Variants in AQP7 observed in about 807,000 individuals in gnomAD.
The protein encoded by AQP7 is aquaporin 7.
AQP7 carries 22 observed loss-of-function variants against 26.1 expected under a neutral mutation model. The observed-to-expected ratio is 0.84, with a 90% confidence interval of 0.60 to 1.20. The LOEUF (loss-of-function observed/expected upper bound fraction) is 1.20. AQP7 is among the 50% of genes most tolerant of loss of function. The pLI is 0.00. For missense variants in AQP7, 412 were observed against 457.5 expected (o/e 0.90, Z 0.91); for synonymous variants, 167 against 181.7 (o/e 0.92, Z 0.65).
Position 33,387,243 on chromosome 9 carries a change from C to G in AQP7, c.145-151G>C, listed in dbSNP as rs1587097274. 7 of 874,398 alleles carry G rather than the reference C, an allele frequency of 8.0e-6. No individual in the cohort carries two copies. In the Middle Eastern group the frequency reaches 1.8e-3, roughly 226 times the overall value. The allele number at this position is 874,398 out of a possible 1,614,324, so 54.2% of individuals were successfully genotyped here. On this transcript the variant is annotated intron_variant, in intron 3 of 7. Transcript: ENST00000297988. Reference sequence around the variant, plus strand: ...GCTGCCACGCCCTCTTCCTCCAGAGCCTTCCCTCCTCACTGCCTCCTCTCC... The same window carrying G: ...GCTGCCACGCCCTCTTCCTCCAGAGGCTTCCCTCCTCACTGCCTCCTCTCC...
chr9:33,388,031 C>T (rs1048741246), intron 3 of AQP7, among the ~76,000 whole-genome samples: 5 of 152,196 alleles, frequency 3.3e-5, no homozygotes, highest in African/African-American at 1.2e-4. Flanking sequence ...GACACCAAAG[C>T]TCTCTCCAAG....
At chr9:33,401,196 G>T in intron 2 of AQP7, 41 bp downstream of exon 2, 1 of 1,547,414 alleles carries the variant, frequency 6.5e-7, no homozygotes, top group Non-Finnish European at 8.7e-7. Context: ...GCTGGGTGAA[G>T]GACAGGGGGC....
chr9:33,394,384 G>C (rs1825669385), intron 3 of AQP7: 1 of 151,426 alleles, frequency 6.6e-6, no homozygotes, highest in Non-Finnish European at 1.5e-5. Flanking sequence ...ACCCAAATCT[G>C]ATCATGTCAC....
chr9:33,400,154 T>C lies in AQP7; in HGVS notation c.26+1083A>G, dbSNP rs145875950. On this transcript the variant is annotated intron_variant, in intron 2 of 7. Coordinates refer to ENST00000297988, the MANE Select transcript of AQP7 (RefSeq NM_001170.3). ...CAATGATGTCAACAGAGTGGCACTATTCATTCTCTCCGTCCAAGTGTACAA... is the reference window on the plus strand; with the variant it reads ...CAATGATGTCAACAGAGTGGCACTACTCATTCTCTCCGTCCAAGTGTACAA... 8.5e-3 allele frequency among the ~76,000 whole-genome samples: 1,300 copies of C among 152,260 alleles called. 21 individuals are homozygous for C. The highest frequency in any genetic ancestry group is 0.03 in the African/African-American group (1,239 of 41,544).
intron 2 of AQP7, among the ~76,000 whole-genome samples, chr9:33,397,471 G>A (rs1825938258): frequency 6.6e-6 from 1 of 152,066 alleles, no homozygotes; most frequent in Non-Finnish European, 1.5e-5. Context: ...GTTGGATGGG[G>A]GCCAGTGGAT....
intron 2 of AQP7, among the ~76,000 whole-genome samples, chr9:33,399,454 T>G (rs1240216409): frequency 1.3e-5 from 2 of 150,422 alleles, no homozygotes; most frequent in East Asian, 2.0e-4. Context: ...AAAAATTAGC[T>G]GGGCATGGTG....
intron 2 of AQP7, among the ~76,000 whole-genome samples, chr9:33,396,500 TAG>T (rs1354891534): frequency 6.8e-6 from 1 of 147,414 alleles, no homozygotes; most frequent in Non-Finnish European, 1.5e-5. Flanking sequence ...AGTGTGGCCT[TAG>T]TCACTCTGCT....
In AQP7 at chr9:33,386,169, G is replaced by C. The variant is rs79172651; in HGVS notation, c.433C>G (p.Gln145Glu). 414 of 1,613,952 alleles carry C rather than the reference G, an allele frequency of 2.6e-4. 1 individual carries two copies. Among genetic ancestry groups the C allele is most frequent in the Non-Finnish European group, 3.3e-4 (390 of 1,179,824 alleles). ...GCGACGGGACCGGTCACCATCAGCT[G>C]TCCACCCGAAAAGTGGAGAATGGCC... Reference protein sequence around the residue: ...YTAILHFSGGQLMVTGPVATA... With the variant: ...YTAILHFSGGELMVTGPVATA... The change falls in exon 6 of 8, where the codon CAG becomes GAG. Residue 145 changes from glutamine to glutamate, a missense_variant. Gln to Glu is a conservative substitution (Grantham distance 29). Transcript: ENST00000297988.
At chr9:33,401,184 G>A in intron 2 of AQP7, 53 bp downstream of exon 2, 1 of 1,540,202 alleles carries the variant, frequency 6.5e-7, no homozygotes, top group Non-Finnish European at 8.8e-7. Flanking sequence ...GCACTGAAGT[G>A]GGCTGGGTGA....
At chr9:33,399,247 C>G (rs1826071644) in intron 2 of AQP7, among the ~76,000 whole-genome samples, 1 of 152,140 alleles carries the variant, frequency 6.6e-6, no homozygotes, top group African/African-American at 2.4e-5. Flanking sequence ...CATAAACTAT[C>G]CAACTAACCA....
intron 3 of AQP7, among the ~76,000 whole-genome samples, chr9:33,391,047 T>C (rs2992831): frequency 0.33 from 49,789 of 151,758 alleles, 8,959 homozygotes; most frequent in African/African-American, 0.48. Context: ...GGAGGCAGAG[T>C]AGTGAACTGA....
Position 33,386,154 on chromosome 9 carries a change from C to A in AQP7, c.448G>T (p.Gly150Cys), listed in dbSNP as rs144445015. The change falls in exon 6 of 8, where the codon GGT becomes TGT. Residue 150 changes from glycine (G) to cysteine (C), a missense_variant. Gly to Cys is a radical substitution (Grantham distance 159). Transcript: ENST00000297988. ...HFSGGQLMVT[G>C]PVATAGIFAT... ...AAAATGCCAGCTGTAGCGACGGGAC[C>A]GGTCACCATCAGCTGTCCACCCGAA... 3.3e-5 allele frequency: 54 copies of A among 1,613,990 alleles called. No homozygotes were observed. The East Asian group carries it at 1.1e-3, about 33-fold the overall frequency.
Position 33,385,175 on chromosome 9 carries a change from A to G in AQP7, c.859T>C (p.Leu287=), listed in dbSNP as rs2118762680. ...GSTIPREPLK[L]EDSVAYEDHG... ...TCTTCATACGCCACAGAATCCTCCA[A>G]TTTCAGGGGCTCCCGTGGGATGGTG... Residue 287 remains leucine (L), a synonymous_variant, in exon 8 of 8, where the codon TTG becomes CTG. Coordinates refer to ENST00000297988, the MANE Select transcript of AQP7 (RefSeq NM_001170.3). 3.7e-6 allele frequency: 6 copies of G among 1,611,858 alleles called. No individual in the cohort carries two copies. Among genetic ancestry groups the G allele is most frequent in the Non-Finnish European group, 5.1e-6 (6 of 1,179,826 alleles).
intron 3 of AQP7, among the ~76,000 whole-genome samples, chr9:33,392,632 G>T (rs1220392744): frequency 2.0e-5 from 3 of 152,160 alleles, no homozygotes; most frequent in Admixed American, 6.6e-5. Flanking sequence ...TGCCTCCGAG[G>T]TTCCAAGGGT....
intron 3 of AQP7, among the ~76,000 whole-genome samples, chr9:33,390,641 A>G (rs1284956236): frequency 3.3e-5 from 5 of 152,104 alleles, no homozygotes; most frequent in Non-Finnish European, 7.3e-5. Context: ...CAGATCCAGG[A>G]TAAGATACAG....
At chr9:33,395,640 C>G (rs1254807282) in intron 2 of AQP7, 1 of 182,636 alleles carries the variant, frequency 5.5e-6, no homozygotes, top group Non-Finnish European at 1.1e-5. Flanking sequence ...GGCCTGGCAA[C>G]AGTGAGGCAC....
Position 33,385,844 on chromosome 9 carries a change from T to C in AQP7, c.548A>G (p.Gln183Arg). 6.2e-7 allele frequency: 1 copy of C among 1,610,040 alleles called. No homozygotes were observed. Among genetic ancestry groups the C allele is most frequent in the Non-Finnish European group, 8.5e-7 (1 of 1,178,096 alleles). The change falls in exon 7 of 8, where the codon CAG becomes CGG. Residue 183 changes from glutamine (Q) to arginine (R), a missense_variant. Coordinates refer to ENST00000297988, the MANE Select transcript of AQP7 (RefSeq NM_001170.3). Reference protein sequence around the residue: ...LNEAWLTGMLQLCLFAITDQE... With the variant: ...LNEAWLTGMLRLCLFAITDQE... Reference sequence around the variant, plus strand: ...GTCCGTGATGGCGAAGAGACACAGCTGGAGCATCCCGGTCAGCCACGCCTG... The same window carrying C: ...GTCCGTGATGGCGAAGAGACACAGCCGGAGCATCCCGGTCAGCCACGCCTG...
At chr9:33,388,241 A>G (rs1825054065) in intron 3 of AQP7, among the ~76,000 whole-genome samples, 1 of 152,074 alleles carries the variant, frequency 6.6e-6, no homozygotes, top group Non-Finnish European at 1.5e-5. Flanking sequence ...ATCTCACAGC[A>G]CACCTGCTCC....
intron 3 of AQP7, among the ~76,000 whole-genome samples, chr9:33,388,223 G>A (rs1825050962): frequency 6.6e-6 from 1 of 152,132 alleles, no homozygotes; most frequent in South Asian, 2.1e-4. Context: ...CTCTGTTGAA[G>A]GTTCGCCATC....
Sources: allele counts gnomAD v4.1 joint callset (sites outside exome capture counted in the v4.1 genomes callset), GRCh38; gene constraint gnomAD v4.1.1; transcripts MANE v1.5; gene names NCBI Gene and HGNC (gene_info 2026-07-23, HGNC 2026-07-21).